Variants in SORCS2 observed in about 807,000 individuals in gnomAD.
The protein encoded by SORCS2 is sortilin related VPS10 domain containing receptor 2.
A neutral mutation model predicts 141.6 loss-of-function variants in SORCS2; 100 were observed. The observed-to-expected ratio is 0.71, with a 90% CI of 0.60 to 0.83. The LOEUF is 0.83. SORCS2 is among the 40% of genes least tolerant of loss of function. The pLI is 0.00. For synonymous variants in SORCS2, 789 were observed against 676.9 expected (o/e 1.17, Z -2.57); for missense variants, 1,646 against 1,560.2 (o/e 1.05, Z -0.93).
chr4:7,228,173 C>T (rs745571174), intron 1 of SORCS2, among the ~76,000 whole-genome samples: 8 of 152,290 alleles, frequency 5.3e-5, no homozygotes, highest in Non-Finnish European at 1.2e-4. Flanking sequence ...CTCCTTGGCT[C>T]GCAGATGCTG....
intron 2 of SORCS2, among the ~76,000 whole-genome samples, chr4:7,488,233 T>C (rs10804999): frequency 0.97 from 147,838 of 152,314 alleles, 71,861 homozygotes; most frequent in East Asian, 1. Flanking sequence ...TCAGTTCTGC[T>C]GTCCTGTTTT....
intron 2 of SORCS2, among the ~76,000 whole-genome samples, chr4:7,480,281 G>C (rs1213205037): frequency 6.6e-6 from 1 of 152,244 alleles, no homozygotes; most frequent in Non-Finnish European, 1.5e-5. Context: ...GGGACTGTGT[G>C]CAGAGAGGAT....
intron 2 of SORCS2, among the ~76,000 whole-genome samples, chr4:7,483,361 G>A (rs1456753750): frequency 4.6e-5 from 7 of 150,604 alleles, no homozygotes; most frequent in East Asian, 2.0e-4. Context: ...AGAAAGCCAC[G>A]TGACGGATGA....
At chr4:7,640,826 A>T (rs141424864) in intron 4 of SORCS2, among the ~76,000 whole-genome samples, 41 of 152,246 alleles carry the variant, frequency 2.7e-4, no homozygotes, top group African/African-American at 9.1e-4. Flanking sequence ...AACTGAGCCA[A>T]ACTGTGGCTG....
intron 1 of SORCS2, among the ~76,000 whole-genome samples, chr4:7,388,846 C>A (rs1723667614): frequency 6.6e-6 from 1 of 152,114 alleles, no homozygotes; most frequent in East Asian, 1.9e-4. Context: ...CCCGGCGATC[C>A]CCCCAGGCCC....
intron 1 of SORCS2, among the ~76,000 whole-genome samples, chr4:7,386,253 CAT>C (rs537817420): frequency 1.1e-4 from 6 of 54,780 alleles, no homozygotes; most frequent in African/African-American, 4.1e-4. Flanking sequence ...CGTGCACACA[CAT>C]ACAGGTACAC....
chr4:7,625,277 G>A (rs1361070115), intron 3 of SORCS2, among the ~76,000 whole-genome samples: 2 of 152,098 alleles, frequency 1.3e-5, no homozygotes, highest in Non-Finnish European at 2.9e-5. Context: ...GAGGCTGGAC[G>A]CCAGCTCCGA....
At chr4:7,671,599 A>C (rs1370617836) in intron 8 of SORCS2, among the ~76,000 whole-genome samples, 1 of 152,238 alleles carries the variant, frequency 6.6e-6, no homozygotes, top group African/African-American at 2.4e-5. Context: ...CGAAAGCAGA[A>C]TTGAAAGGCA....
chr4:7,335,515 C>T (rs11942531), intron 1 of SORCS2, among the ~76,000 whole-genome samples: 4,016 of 152,290 alleles, frequency 0.026, 183 homozygotes, highest in African/African-American at 0.092. Flanking sequence ...CACCCTGCCC[C>T]GCCTCTTGCT....
intron 3 of SORCS2, among the ~76,000 whole-genome samples, chr4:7,631,651 G>A (rs954120575): frequency 6.6e-6 from 1 of 152,116 alleles, no homozygotes. Context: ...CCCCCCGGGG[G>A]GGCAGAAATC....
intron 3 of SORCS2, among the ~76,000 whole-genome samples, chr4:7,593,736 C>T (rs1318089077): frequency 6.6e-6 from 1 of 152,214 alleles, no homozygotes; most frequent in Non-Finnish European, 1.5e-5. Context: ...TGCCGCTTGC[C>T]AGCCAGCACA....
intron 3 of SORCS2, among the ~76,000 whole-genome samples, chr4:7,555,316 G>C (rs1456154921): frequency 6.6e-6 from 1 of 152,246 alleles, no homozygotes; most frequent in East Asian, 1.9e-4. Flanking sequence ...CTAAAAGCAG[G>C]CAGCATCCTG....
At chr4:7,490,735 G>GT (rs1030416749) in intron 2 of SORCS2, among the ~76,000 whole-genome samples, 7 of 152,168 alleles carry the variant, frequency 4.6e-5, no homozygotes, top group African/African-American at 7.2e-5. Context: ...ACTGGCCAGT[G>GT]TGTGTAATGG....
chr4:7,267,826 C>T (rs151287396), intron 1 of SORCS2, among the ~76,000 whole-genome samples: 3,562 of 152,174 alleles, frequency 0.023, 148 homozygotes, highest in African/African-American at 0.08. Flanking sequence ...AGCGAGACTC[C>T]GTCTCAAGAA....
intron 3 of SORCS2, among the ~76,000 whole-genome samples, chr4:7,558,746 G>T (rs1714315275): frequency 6.6e-6 from 1 of 152,146 alleles, no homozygotes; most frequent in Non-Finnish European, 1.5e-5. Context: ...TTTTGGTCTG[G>T]CCCAGGAGGC....
At chr4:7,298,718 G>T (rs73796615) in intron 1 of SORCS2, among the ~76,000 whole-genome samples, 1 of 152,186 alleles carries the variant, frequency 6.6e-6, no homozygotes, top group Non-Finnish European at 1.5e-5. Flanking sequence ...TATAGGGAGC[G>T]GGGCTCATGT....
intron 2 of SORCS2, among the ~76,000 whole-genome samples, chr4:7,516,297 G>A (rs759151784): frequency 7.2e-5 from 11 of 152,150 alleles, no homozygotes; most frequent in Non-Finnish European, 1.2e-4. Flanking sequence ...GGCGTGGGGA[G>A]GGACGGCAGG....
chr4:7,564,194 T>TCA (rs1215294847), intron 3 of SORCS2, among the ~76,000 whole-genome samples: 1 of 152,158 alleles, frequency 6.6e-6, no homozygotes, highest in Admixed American at 6.5e-5. Context: ...TTTTCTACTG[T>TCA]CACACACACA....
At chr4:7,531,193 G>C (rs1711605636) in intron 2 of SORCS2, among the ~76,000 whole-genome samples, 1 of 152,236 alleles carries the variant, frequency 6.6e-6, no homozygotes, top group African/African-American at 2.4e-5. Flanking sequence ...CTGGTCACCT[G>C]TGAGATGCAT....
Sources: gnomAD v4.1 joint callset for allele counts (sites outside exome capture counted in the v4.1 genomes callset) on GRCh38, gnomAD v4.1.1 for gene constraint, MANE v1.5 for transcripts, NCBI Gene and HGNC (gene_info 2026-07-23, HGNC 2026-07-21) for gene names.